SMARCB1: variants seen among roughly 807,000 people sequenced by gnomAD.
SMARCB1 encodes the protein SWI/SNF related BAF chromatin remodeling complex subunit B1.
SMARCB1 carries 5 observed loss-of-function variants against 49.0 expected under a neutral mutation model. That is an observed-to-expected ratio of 0.10 (90% CI 0.05 to 0.21). The LOEUF (loss-of-function observed/expected upper bound fraction) is 0.21, where lower values mean the gene tolerates loss of function less well. SMARCB1 is among the 10% of genes least tolerant of loss of function. The pLI is 1.00. For missense variants in SMARCB1, 226 were observed against 509.2 expected, an observed-to-expected ratio of 0.44 and a Z score of 5.35; for synonymous variants, 201 against 200.1, an observed-to-expected ratio of 1.00 and a Z score of -0.04.
intron 5 of SMARCB1, among the ~76,000 whole-genome samples, chr22:23,813,412 T>C (rs1180010763): frequency 6.6e-6 from 1 of 152,176 alleles, no homozygotes; most frequent in Non-Finnish European, 1.5e-5. Context: ...GGAGAACTAA[T>C]AACTGAATTC....
At chr22:23,795,633 G>T (rs970649264) in intron 3 of SMARCB1, among the ~76,000 whole-genome samples, 2 of 151,438 alleles carry the variant, frequency 1.3e-5, no homozygotes, top group African/African-American at 4.9e-5. Context: ...TCCAGCCTGG[G>T]CAACGAGAGT....
rs955005597 is a variant in SMARCB1, at chr22:23,787,045, G to A, written c.-125G>A. Reference sequence around the variant, plus strand: ...GCTGAGGAGCCCGGCTGAGGCGCCAGTACCCGGCCCGGTCCGCATTTCGCC... The same window carrying A: ...GCTGAGGAGCCCGGCTGAGGCGCCAATACCCGGCCCGGTCCGCATTTCGCC... On this transcript the variant is annotated 5_prime_UTR_variant, in exon 1 of 9. Coordinates refer to ENST00000644036, the MANE Select transcript of SMARCB1 (RefSeq NM_003073.5). 4.7e-6 allele frequency: 3 copies of A among 644,010 alleles called. No homozygotes were observed. Among genetic ancestry groups the A allele is most frequent in the South Asian group, 1.7e-5 (1 of 57,952 alleles). 39.9% of individuals were successfully genotyped at this position (644,010 alleles called of 1,614,324 possible).
chr22:23,836,620 C>T lies in SMARCB1; in HGVS notation c.*2440C>T. 1 of 1,226,150 alleles carries T rather than the reference C, an allele frequency of 8.2e-7. No individual in the cohort carries two copies. Among genetic ancestry groups the T allele is most frequent in the Non-Finnish European group, 1.0e-6 (1 of 986,546 alleles). 76.0% of individuals were successfully genotyped at this position (1,226,150 alleles called of 1,614,324 possible). A position where few individuals can be genotyped will look rare whatever the true frequency, so the allele number is the denominator to read the frequency against. On this transcript the variant is annotated 3_prime_UTR_variant, in exon 9 of 9. Transcript: ENST00000644036. ...GCAGTTTCTTTGCCCTCTGTGGGCA[C>T]CCCTATCCTACCACCTGCAGTTGGG...
chr22:23,824,818 G>C (rs561245628), intron 6 of SMARCB1: 3 of 291,576 alleles, frequency 1.0e-5, no homozygotes, highest in Non-Finnish European at 2.0e-5. Context: ...CATAGACATT[G>C]GCTCAAGACA....
At chr22:23,804,230 G>A (rs779008474) in intron 5 of SMARCB1, 4 of 151,366 alleles carry the variant, frequency 2.6e-5, no homozygotes, top group African/African-American at 7.3e-5. Context: ...AAGAGACAGA[G>A]TCCCACTCTG....
At position 23,791,794 on chromosome 22, in the gene SMARCB1, C is replaced by T. The variant is rs370334151; in HGVS notation, c.132C>T (p.Tyr44=). The part of the protein sequence containing the change: ...NYLRMFRGSL[Y]KRYPSLWRRL... ...TCCGTATGTTCCGAGGTTCTCTGTA[C>T]AAGAGATACCCCTCACTCTGGAGGC... Residue 44 remains tyrosine, a synonymous_variant, in exon 2 of 9, where the codon TAC becomes TAT. Transcript: ENST00000644036. 17 of 1,613,426 alleles carry T rather than the reference C, an allele frequency of 1.1e-5. No individual in the cohort carries two copies. The highest frequency in any genetic ancestry group is 2.2e-5 in the East Asian group (1 of 44,902).
rs2146044782 is a variant in SMARCB1 at position 23,834,132 on chromosome 22, C to G, written c.1119-9C>G. Reference sequence around the variant, plus strand: ...CCCCGACTCATTGCCCTCCCCACTCCTCTTCCAGGCGGATGAGGCGTCTTG... The same window carrying G: ...CCCCGACTCATTGCCCTCCCCACTCGTCTTCCAGGCGGATGAGGCGTCTTG... On this transcript the variant is annotated splice_polypyrimidine_tract_variant and intron_variant, in intron 8 of 8. Coordinates refer to ENST00000644036, the MANE Select transcript of SMARCB1 (RefSeq NM_003073.5). 1 of 1,586,044 alleles carries G rather than the reference C, an allele frequency of 6.3e-7. No individual in the cohort carries two copies. The highest frequency in any genetic ancestry group is 1.3e-5 in the African/African-American group (1 of 74,122).
chr22:23,832,337 C>T (rs1364938136), intron 7 of SMARCB1, among the ~76,000 whole-genome samples: 3 of 152,180 alleles, frequency 2.0e-5, no homozygotes, highest in Non-Finnish European at 4.4e-5. Flanking sequence ...TAAATGTTTC[C>T]ATATTCCAGA....
intron 5 of SMARCB1, among the ~76,000 whole-genome samples, chr22:23,807,331 G>C (rs557648251): frequency 6.6e-6 from 1 of 151,832 alleles, no homozygotes; most frequent in African/African-American, 2.4e-5. Flanking sequence ...GCTGAGCACA[G>C]TTGCTCACGC....
intron 1 of SMARCB1, among the ~76,000 whole-genome samples, chr22:23,790,357 C>A (rs761231449): frequency 3.9e-5 from 6 of 152,166 alleles, no homozygotes; most frequent in Non-Finnish European, 8.8e-5. Context: ...TCTCAGCGTT[C>A]AGTAGCCCTG....
intron 5 of SMARCB1, 48 bp from the exon 6 acceptor site, chr22:23,816,722 C>A: frequency 6.4e-7 from 1 of 1,553,352 alleles, no homozygotes; most frequent in Non-Finnish European, 8.9e-7. Flanking sequence ...CGGTCCATGC[C>A]CAAGCATGGT....
chr22:23,830,467 T>A (rs1199422497), intron 7 of SMARCB1, among the ~76,000 whole-genome samples: 1 of 152,212 alleles, frequency 6.6e-6, no homozygotes, highest in Non-Finnish European at 1.5e-5. Context: ...TGCTAGTTTC[T>A]TAATTGGGTT....
Position 23,833,568 on chromosome 22 carries a change from G to C in SMARCB1, c.987-4G>C, listed in dbSNP as rs745773662. On this transcript the variant is annotated splice_polypyrimidine_tract_variant and splice_region_variant and intron_variant, in intron 7 of 8. Transcript: ENST00000644036. ...ATTCCTCTCACTGCCTCCCCTCCTC[G>C]TAGCGAGAACCCTCTGCCCACAGTG... The C allele has an allele frequency of 1.2e-6, 2 of 1,614,140 alleles. No individual in the cohort carries two copies. The highest frequency in any genetic ancestry group is 1.7e-6 in the Non-Finnish European group (2 of 1,180,032).
At chr22:23,829,900 T>G (rs887595842) in intron 7 of SMARCB1, among the ~76,000 whole-genome samples, 2 of 152,260 alleles carry the variant, frequency 1.3e-5, no homozygotes, top group African/African-American at 4.8e-5. Flanking sequence ...TTCATAGAAA[T>G]GGAACCATCT....
chr22:23,817,262 C>A, intron 6 of SMARCB1: 1 of 463,058 alleles, frequency 2.2e-6, no homozygotes, highest in Non-Finnish European at 4.0e-6. Context: ...GCCTAGTAAC[C>A]CAATAAGATG....
Position 23,836,863 on chromosome 22 carries a change from TG to T in SMARCB1, c.*2688del, listed in dbSNP as rs1408762315. 2 of 1,453,538 alleles carry T rather than the reference TG, an allele frequency of 1.4e-6. No homozygotes were observed. Among genetic ancestry groups the T allele is most frequent in the East Asian group, 2.6e-5 (1 of 39,138 alleles). The allele number at this position is 1,453,538 out of a possible 1,614,324, so 90.0% of individuals were successfully genotyped here. A position where few individuals can be genotyped will look rare whatever the true frequency, so the allele number is the denominator to read the frequency against. Reference sequence around the variant, plus strand: ...GAAGCCTCTTAGGCCTGGCCCTGGGTGGGGGTCACTGCTGCGGGGGTGGCAG... The same window carrying T: ...GAAGCCTCTTAGGCCTGGCCCTGGGTGGGGTCACTGCTGCGGGGGTGGCAG... On this transcript the variant is annotated 3_prime_UTR_variant, in exon 9 of 9. Transcript: ENST00000644036.
In SMARCB1 at chr22:23,801,963, C is replaced by G. The variant is rs149147366; in HGVS notation, c.500+882C>G. On this transcript the variant is annotated intron_variant, in intron 4 of 8. Transcript: ENST00000644036. ...AGATCCAGCCCTCTCCTTGCTCAGG[C>G]TGTAGGTTTCTTTCCCAAGGCCTGC... The G allele has an allele frequency of 1.1e-3, 181 of 159,092 alleles. 2 individuals carry two copies. The Middle Eastern group carries it at 0.037, about 33-fold the overall frequency. The allele number at this position is 159,092 out of a possible 1,614,324, so 9.9% of individuals were successfully genotyped here.
chr22:23,799,281 ATT>A (rs754464338), intron 3 of SMARCB1, among the ~76,000 whole-genome samples: 4 of 136,404 alleles, frequency 2.9e-5, no homozygotes, highest in Admixed American at 7.5e-5. Flanking sequence ...AGCTTTTGGT[ATT>A]TTTTTTTTTT....
chr22:23,792,048 C>G (rs906332097), intron 2 of SMARCB1, 154 bp downstream of exon 2: 75 of 734,072 alleles, frequency 1.0e-4, no homozygotes, highest in Non-Finnish European at 1.6e-4. Context: ...GCACTCCAGG[C>G]AAGGAAGTGG....
Sources: gnomAD v4.1 joint callset for allele counts (sites outside exome capture counted in the v4.1 genomes callset) on GRCh38, gnomAD v4.1.1 for gene constraint, MANE v1.5 for transcripts, NCBI Gene and HGNC (gene_info 2026-07-23, HGNC 2026-07-21) for gene names.